HGF: variants seen among roughly 807,000 people sequenced by gnomAD.
HGF encodes fibroblast-derived tumor cytotoxic factor.
HGF carries 39 observed loss-of-function variants against 111.6 expected under a neutral mutation model. That is an observed-to-expected ratio of 0.35 (90% CI 0.27 to 0.46). The LOEUF (loss-of-function observed/expected upper bound fraction) is 0.46. Among genes scored for constraint, HGF ranks in the 20% least tolerant of loss-of-function variants. The probability of loss-of-function intolerance (pLI) is 1.00; values close to 1 mark genes in which losing one functional copy is unlikely to be tolerated. For synonymous variants in HGF, 285 were observed against 294.8 expected, an observed-to-expected ratio of 0.97 and a Z score of 0.34; for missense variants, 735 against 910.5, an observed-to-expected ratio of 0.81 and a Z score of 2.48.
chr7:81,744,843 T>C (rs1030850755), intron 6 of HGF, among the ~76,000 whole-genome samples, 157 bp downstream of exon 6: 13 of 152,204 alleles, frequency 8.5e-5, no homozygotes, highest in Non-Finnish European at 1.5e-4. Flanking sequence ...CCAGAAATTC[T>C]GTCAGAAGAA....
chr7:81,728,082 T>A (rs989422653), intron 8 of HGF, among the ~76,000 whole-genome samples: 2 of 152,216 alleles, frequency 1.3e-5, no homozygotes, highest in Admixed American at 6.5e-5. Flanking sequence ...TCATGTTTAA[T>A]GTTTAATAGA....
At chr7:81,731,194 C>A (rs1177599493) in intron 7 of HGF, among the ~76,000 whole-genome samples, 2 of 152,118 alleles carry the variant, frequency 1.3e-5, no homozygotes, top group African/African-American at 4.8e-5. Flanking sequence ...GAAAACATTA[C>A]CTTAATGACT....
chr7:81,766,614 T>C (rs1789369188), intron 1 of HGF, among the ~76,000 whole-genome samples: 1 of 152,166 alleles, frequency 6.6e-6, no homozygotes. Flanking sequence ...TGCAGCATCA[T>C]CTCTTCCAAG....
rs1242836505 is a variant in HGF, at chr7:81,720,906, G to T, written c.1169-59C>A. 6.4e-6 allele frequency: 6 copies of T among 936,684 alleles called. No individual in the cohort carries two copies. The Admixed American group carries it at 8.8e-5, about 14-fold the overall frequency. The allele number at this position is 936,684 out of a possible 1,614,324, so 58.0% of individuals were successfully genotyped here. The stretch of plus-strand genomic sequence containing the variant: ...AATATCAAGGCAGATAAAACAAAAA[G>T]GTTTTTTACAAGTATATGGAATCAT... On this transcript the variant is annotated intron_variant, in intron 9 of 17. Transcript: ENST00000222390.
chr7:81,736,678 T>C, intron 7 of HGF: 1 of 463,310 alleles, frequency 2.2e-6, no homozygotes, highest in African/African-American at 2.0e-5. Flanking sequence ...ATGGCTGGGG[T>C]AAAGAGACTA....
intron 5 of HGF, chr7:81,751,586 G>A (rs999267702): frequency 4.3e-5 from 43 of 993,676 alleles, no homozygotes; most frequent in Middle Eastern, 5.1e-4. Context: ...TCCAGCCTAC[G>A]TGTCACATTT....
intron 4 of HGF, chr7:81,756,155 G>C (rs1156257375): frequency 3.1e-6 from 2 of 645,674 alleles, no homozygotes; most frequent in Non-Finnish European, 5.6e-6. Flanking sequence ...GAGTGATGGT[G>C]ACTGGGCTTA....
rs996366047 is a variant in HGF at position 81,701,637 on chromosome 7, T to C, written c.*944A>G. ...GCACTTAAGAAATGCTTTAGGAAAATAGATCTACAAATATCTTGTGTAAAT... is the reference window on the plus strand; with the variant it reads ...GCACTTAAGAAATGCTTTAGGAAAACAGATCTACAAATATCTTGTGTAAAT... On this transcript the variant is annotated 3_prime_UTR_variant, in exon 18 of 18. Transcript: ENST00000222390. 9.2e-5 allele frequency: 14 copies of C among 151,448 alleles called. No individual in the cohort carries two copies. In the South Asian group the frequency reaches 2.9e-3, roughly 31 times the overall value. The allele number at this position is 151,448 out of a possible 1,614,324, so 9.4% of individuals were successfully genotyped here.
intron 7 of HGF, among the ~76,000 whole-genome samples, chr7:81,735,842 T>C (rs1264542416): frequency 1.3e-5 from 2 of 152,094 alleles, no homozygotes. Flanking sequence ...CTTCCTCACT[T>C]GCAAATGGTC....
chr7:81,745,839 T>C (rs896802178), intron 5 of HGF, among the ~76,000 whole-genome samples: 1 of 152,212 alleles, frequency 6.6e-6, no homozygotes, highest in African/African-American at 2.4e-5. Context: ...GATGATTTTG[T>C]GAGGTTAATT....
intron 7 of HGF, among the ~76,000 whole-genome samples, chr7:81,730,092 C>A (rs896429388): frequency 5.3e-5 from 8 of 152,058 alleles, no homozygotes; most frequent in African/African-American, 1.9e-4. Context: ...TTTCTAAAAT[C>A]AGCTTGCTTA....
chr7:81,751,930 G>A, intron 5 of HGF, 190 bp downstream of exon 5: 1 of 1,409,144 alleles, frequency 7.1e-7, no homozygotes, highest in Non-Finnish European at 9.2e-7. Flanking sequence ...CTGTTATTTT[G>A]CATTAATCTG....
Position 81,705,532 on chromosome 7 carries a change from A to G in HGF, c.1868T>C (p.Ile623Thr). ...SVYGWGYTGLINYDGLLRVAH... is the reference protein window; with the variant it reads ...SVYGWGYTGLTNYDGLLRVAH... ...CACTCGTAATAGGCCATCATAGTTG[A>G]TCACTAGATTGATGCAAAAAACATA... Residue 623 changes from isoleucine (I) to threonine (T), a missense_variant, in exon 17 of 18, where the codon ATC (isoleucine) becomes ACC (threonine). This residue lies in a region of HGF where 130 missense variants were observed against 129.9 expected (regional missense o/e 1.00). Coordinates refer to ENST00000222390, the MANE Select transcript of HGF (RefSeq NM_000601.6). The G allele has an allele frequency of 1.2e-6, 2 of 1,612,446 alleles. No individual in the cohort carries two copies. Among genetic ancestry groups the G allele is most frequent in the South Asian group, 2.2e-5 (2 of 91,064 alleles).
At chr7:81,746,400 G>T (rs1788256017) in intron 5 of HGF, among the ~76,000 whole-genome samples, 1 of 152,176 alleles carries the variant, frequency 6.6e-6, no homozygotes, top group African/African-American at 2.4e-5. Flanking sequence ...CAGGGTCATA[G>T]CAGTGCTCAA....
At position 81,722,845 on chromosome 7, in the gene HGF, G is replaced by GTATATATATA. The variant is rs144391393; in HGVS notation, c.1169-2008_1169-1999dup. On this transcript the variant is annotated intron_variant, in intron 9 of 17. Coordinates refer to ENST00000222390, the MANE Select transcript of HGF (RefSeq NM_000601.6). ...AAAAAAAAAAAAGAAATTTAAAAAG[G>GTATATATATA]TATATATATATATATATGTTGCATT... 6.7e-3 allele frequency among the ~76,000 whole-genome samples: 885 copies of GTATATATATA among 132,574 alleles called. 26 individuals carry two copies. Among genetic ancestry groups the GTATATATATA allele is most frequent in the African/African-American group, 0.028 (848 of 30,584 alleles). 87.0% of individuals were successfully genotyped at this position (132,574 alleles called of 152,430 possible).
At chr7:81,757,755 T>G (rs533885401) in intron 3 of HGF, among the ~76,000 whole-genome samples, 1 of 152,278 alleles carries the variant, frequency 6.6e-6, no homozygotes, top group East Asian at 1.9e-4. Flanking sequence ...ATGCATGAGG[T>G]AGCTTGCTTA....
intron 5 of HGF, 134 bp downstream of exon 5, chr7:81,751,986 T>A: frequency 1.4e-6 from 2 of 1,466,108 alleles, no homozygotes; most frequent in Non-Finnish European, 1.8e-6. Flanking sequence ...AATGTTTAAA[T>A]AATTATTTGT....
chr7:81,751,255 T>A (rs1171941725), intron 5 of HGF: 1 of 982,760 alleles, frequency 1.0e-6, no homozygotes, highest in East Asian at 1.1e-4. Context: ...TCCAAAATCC[T>A]AACAATTTTC....
intron 11 of HGF, among the ~76,000 whole-genome samples, chr7:81,716,163 T>G (rs1410122214): frequency 6.6e-6 from 1 of 152,148 alleles, no homozygotes; most frequent in Admixed American, 6.6e-5. Flanking sequence ...TGTCTAGAGA[T>G]AGTTTTGATT....
Sources: gnomAD v4.1 joint callset for allele counts (sites outside exome capture counted in the v4.1 genomes callset) on GRCh38, gnomAD v4.1.1 for gene constraint, gnomAD v4.1.1 regional missense constraint, MANE v1.5 for transcripts, NCBI Gene and HGNC (gene_info 2026-07-23, HGNC 2026-07-21) for gene names.